Variants in FILIP1 observed in about 807,000 individuals in gnomAD.
FILIP1 encodes the protein filamin-A-interacting protein 1.
Under a neutral mutation model 102.1 loss-of-function variants are expected in FILIP1, and 61 were observed. That is an observed-to-expected ratio of 0.60 (90% CI 0.49 to 0.74). FILIP1 has a LOEUF of 0.74. Among genes scored for constraint, FILIP1 ranks in the 30% least tolerant of loss-of-function variants. FILIP1 has a pLI of 0.00. For synonymous variants in FILIP1, 491 were observed against 526.9 expected, an observed-to-expected ratio of 0.93 and a Z score of 0.93; for missense variants, 1,314 against 1,441.2, an observed-to-expected ratio of 0.91 and a Z score of 1.43.
chr6:75,389,659 T>C (rs1240016950), intron 2 of FILIP1, among the ~76,000 whole-genome samples: 4 of 152,214 alleles, frequency 2.6e-5, no homozygotes, highest in African/African-American at 4.8e-5. Flanking sequence ...TTTATTTGCA[T>C]AGAAACATTT....
intron 1 of FILIP1, among the ~76,000 whole-genome samples, chr6:75,464,866 C>T (rs891155150): frequency 3.9e-5 from 6 of 152,172 alleles, no homozygotes; most frequent in Non-Finnish European, 8.8e-5. Context: ...GAAACTCTGA[C>T]TCTTCCTTTT....
chr6:75,387,560 C>A (rs1031857759), intron 2 of FILIP1, among the ~76,000 whole-genome samples: 2 of 152,220 alleles, frequency 1.3e-5, no homozygotes, highest in African/African-American at 4.8e-5. Context: ...CTGTTGTTTC[C>A]TGACTTTTTA....
At chr6:75,339,681 C>T (rs1244508968) in intron 4 of FILIP1, among the ~76,000 whole-genome samples, 3 of 152,210 alleles carry the variant, frequency 2.0e-5, no homozygotes, top group African/African-American at 7.2e-5. Context: ...GGCGCAGTGG[C>T]TCACACCTGT....
At chr6:75,446,686 C>T (rs896440315) in intron 1 of FILIP1, among the ~76,000 whole-genome samples, 1 of 152,140 alleles carries the variant, frequency 6.6e-6, no homozygotes, top group Non-Finnish European at 1.5e-5. Flanking sequence ...ATCAATCTCT[C>T]CCTGGCAATA....
intron 2 of FILIP1, chr6:75,384,706 T>G (rs997646125): frequency 2.0e-5 from 3 of 152,104 alleles, no homozygotes; most frequent in Admixed American, 2.0e-4. Flanking sequence ...TAATTCCTGT[T>G]TTTTGACCAT....
At chr6:75,329,294 T>G (rs1773981965) in intron 4 of FILIP1, among the ~76,000 whole-genome samples, 1 of 152,248 alleles carries the variant, frequency 6.6e-6, no homozygotes, top group Admixed American at 6.5e-5. Context: ...GGGCTCCTTT[T>G]GCCCAACATT....
intron 1 of FILIP1, among the ~76,000 whole-genome samples, chr6:75,415,336 A>G (rs1777226120): frequency 6.6e-6 from 1 of 152,046 alleles, no homozygotes; most frequent in Admixed American, 6.6e-5. Context: ...GGTGTAGGGC[A>G]TATGCGTATT....
intron 1 of FILIP1, among the ~76,000 whole-genome samples, chr6:75,459,870 G>A (rs1171330209): frequency 2.0e-5 from 3 of 152,130 alleles, no homozygotes; most frequent in African/African-American, 7.2e-5. Flanking sequence ...TTTCCTGGGA[G>A]GCAGTTTCTC....
intron 1 of FILIP1, among the ~76,000 whole-genome samples, chr6:75,422,137 T>C (rs1425355238): frequency 6.6e-6 from 1 of 152,140 alleles, no homozygotes; most frequent in Admixed American, 6.6e-5. Flanking sequence ...CATAATTTTT[T>C]CTGGCATTTT....
chr6:75,439,830 C>T (rs1778148903), intron 1 of FILIP1, among the ~76,000 whole-genome samples: 1 of 152,108 alleles, frequency 6.6e-6, no homozygotes, highest in South Asian at 2.1e-4. Context: ...ACAAATTAGG[C>T]CATTGTTAAG....
chr6:75,389,948 A>G (rs922923310), intron 2 of FILIP1, among the ~76,000 whole-genome samples: 1 of 152,092 alleles, frequency 6.6e-6, no homozygotes, highest in Non-Finnish European at 1.5e-5. Flanking sequence ...TCCTTGCTCT[A>G]AGGTAGTTAT....
chr6:75,304,086 T>A (rs1772916737), downstream of FILIP1, among the ~76,000 whole-genome samples: 1 of 152,114 alleles, frequency 6.6e-6, no homozygotes. Flanking sequence ...TATATAGATA[T>A]ATGGAAAACC....
chr6:75,432,694 T>A (rs982912488), intron 1 of FILIP1, among the ~76,000 whole-genome samples: 1 of 152,134 alleles, frequency 6.6e-6, no homozygotes, highest in African/African-American at 2.4e-5. Flanking sequence ...TTATTTTTTT[T>A]ATTATACTTT....
intron 1 of FILIP1, among the ~76,000 whole-genome samples, chr6:75,434,244 A>G (rs1777936343): frequency 6.6e-6 from 1 of 152,258 alleles, no homozygotes; most frequent in African/African-American, 2.4e-5. Flanking sequence ...TGGTAGCTTG[A>G]TGGGGATGGC....
chr6:75,380,243 A>G (rs1485511247), intron 2 of FILIP1, among the ~76,000 whole-genome samples: 1 of 150,008 alleles, frequency 6.7e-6, no homozygotes, highest in African/African-American at 2.4e-5. Flanking sequence ...AACAACTATG[A>G]AAGATATAGG....
chr6:75,401,157 C>CCTCA lies in FILIP1; in HGVS notation c.276+13536_276+13539dup, dbSNP rs148728117. Among the ~76,000 whole-genome samples, 509 of 152,236 alleles carry CCTCA rather than the reference C, an allele frequency of 3.3e-3. 1 individual carries two copies. The highest frequency in any genetic ancestry group is 5.9e-3 in the Non-Finnish European group (398 of 68,002). ...TGGACACCAGTAGTCTGGTATCAACCCTCACCATTCCTTGGAAAACACACC... is the reference window on the plus strand; with the variant it reads ...TGGACACCAGTAGTCTGGTATCAACCCTCACTCACCATTCCTTGGAAAACACACC... On this transcript the variant is annotated intron_variant, in intron 2 of 5. Coordinates refer to ENST00000237172, the MANE Select transcript of FILIP1 (RefSeq NM_015687.5).
chr6:75,441,456 C>T (rs1434963179), intron 1 of FILIP1, among the ~76,000 whole-genome samples: 5 of 152,038 alleles, frequency 3.3e-5, no homozygotes, highest in African/African-American at 9.7e-5. Flanking sequence ...TCCACAAAAC[C>T]GCCATTGTCA....
chr6:75,443,236 G>A (rs916161545), intron 1 of FILIP1, among the ~76,000 whole-genome samples: 1 of 151,984 alleles, frequency 6.6e-6, no homozygotes, highest in African/African-American at 2.4e-5. Context: ...TTTATTTAGT[G>A]CTGTTTGTAA....
chr6:75,439,144 C>A (rs748884310), intron 1 of FILIP1, among the ~76,000 whole-genome samples: 3 of 152,280 alleles, frequency 2.0e-5, no homozygotes, highest in Non-Finnish European at 2.9e-5. Flanking sequence ...ATCTAAGCTA[C>A]TAAAAGTTGT....
Sources: allele counts gnomAD v4.1 joint callset (sites outside exome capture counted in the v4.1 genomes callset), GRCh38; gene constraint gnomAD v4.1.1; transcripts MANE v1.5; gene names NCBI Gene and HGNC (gene_info 2026-07-23, HGNC 2026-07-21).